Variants in METAP1D observed in about 807,000 individuals in gnomAD.
The protein encoded by METAP1D is methionyl aminopeptidase type 1D, mitochondrial, also known as methionine aminopeptidase 1D, mitochondrial.
METAP1D carries 31 observed loss-of-function variants against 40.5 expected under a neutral mutation model. That is an observed-to-expected ratio of 0.77 (90% CI 0.58 to 1.03). The LOEUF (loss-of-function observed/expected upper bound fraction) is 1.03, where lower values mean the gene tolerates loss of function less well. Ranked by LOEUF, METAP1D falls within the 50% of genes least tolerant of loss-of-function variation. The pLI, the probability that METAP1D is intolerant of heterozygous loss-of-function variation, is 0.00. For missense variants in METAP1D, 411 were observed against 420.7 expected (o/e 0.98, Z 0.20); for synonymous variants, 151 against 146.4 (o/e 1.03, Z -0.22).
At chr2:172,058,895 C>T (rs1461983372) in intron 1 of METAP1D, among the ~76,000 whole-genome samples, 1 of 152,056 alleles carries the variant, frequency 6.6e-6, no homozygotes, top group Admixed American at 6.5e-5. Flanking sequence ...ATTAGAGATC[C>T]AGAGTTTTGA....
chr2:172,079,981 TCAACCCTTGCAAGATGA>T, intron 8 of METAP1D, 130 bp from the exon 9 acceptor site: 1 of 669,368 alleles, frequency 1.5e-6, no homozygotes, highest in Admixed American at 2.9e-5. Context: ...ACATCAATTA[TCAACCCTTGCAAGATGA>T]CAACATGAGC....
chr2:172,022,776 A>C (rs1689034669), intron 1 of METAP1D, among the ~76,000 whole-genome samples: 1 of 152,192 alleles, frequency 6.6e-6, no homozygotes, highest in African/African-American at 2.4e-5. Flanking sequence ...AATGCAATTA[A>C]ACTTAATTGC....
intron 6 of METAP1D, among the ~76,000 whole-genome samples, chr2:172,074,291 CT>C (rs1690494303): frequency 6.6e-6 from 1 of 152,014 alleles, no homozygotes; most frequent in African/African-American, 2.4e-5. Context: ...TAATTCATAA[CT>C]ATATGTTTTG....
intron 1 of METAP1D, among the ~76,000 whole-genome samples, chr2:172,014,731 C>A (rs1385859573): frequency 6.6e-6 from 1 of 152,174 alleles, no homozygotes; most frequent in Non-Finnish European, 1.5e-5. Flanking sequence ...CGGCTCACTG[C>A]AACCTCCATC....
intron 1 of METAP1D, 23 bp downstream of exon 1, chr2:172,000,032 C>A (rs996041626): frequency 2.3e-6 from 3 of 1,303,702 alleles, no homozygotes; most frequent in Non-Finnish European, 3.0e-6. Context: ...AGGAGAGCCC[C>A]GTGAGGGTTC....
intron 1 of METAP1D, among the ~76,000 whole-genome samples, chr2:172,039,899 A>T (rs1158220868): frequency 6.6e-6 from 1 of 151,532 alleles, no homozygotes; most frequent in Non-Finnish European, 1.5e-5. Context: ...CTGGTCTCGA[A>T]CTCCTGACCT....
chr2:172,061,233 A>T (rs187539519), intron 1 of METAP1D, among the ~76,000 whole-genome samples: 8 of 152,302 alleles, frequency 5.3e-5, no homozygotes, highest in Admixed American at 2.0e-4. Context: ...TGCTTAGCAG[A>T]TGTTTCTATA....
intron 1 of METAP1D, among the ~76,000 whole-genome samples, chr2:172,044,385 C>T (rs1412484824): frequency 1.1e-5 from 1 of 90,170 alleles, no homozygotes; most frequent in Non-Finnish European, 2.5e-5. Context: ...ATGGTGAAAC[C>T]CTGTCTCTCT....
At chr2:172,020,839 G>C (rs560023118) in intron 1 of METAP1D, among the ~76,000 whole-genome samples, 52 of 152,206 alleles carry the variant, frequency 3.4e-4, no homozygotes, top group African/African-American at 1.2e-3. Flanking sequence ...TAAAAGGCAG[G>C]ATTTAACCTA....
chr2:172,000,364 T>A (rs995600525), intron 1 of METAP1D, among the ~76,000 whole-genome samples: 1 of 152,228 alleles, frequency 6.6e-6, no homozygotes, highest in Admixed American at 6.5e-5. Flanking sequence ...ATGGTAATTC[T>A]GAAATGCATC....
intron 1 of METAP1D, among the ~76,000 whole-genome samples, chr2:172,057,801 A>G (rs1019012432): frequency 6.6e-6 from 1 of 152,216 alleles, no homozygotes; most frequent in African/African-American, 2.4e-5. Flanking sequence ...TTCACAATTC[A>G]TACAGTTTCT....
At position 172,070,890 on chromosome 2, in the gene METAP1D, T is replaced by C; in HGVS notation, c.541-17T>C. The C allele has an allele frequency of 6.4e-7, 1 of 1,573,044 alleles. No individual in the cohort carries two copies. The highest frequency in any genetic ancestry group is 8.6e-7 in the Non-Finnish European group (1 of 1,160,646). On this transcript the variant is annotated splice_polypyrimidine_tract_variant and intron_variant, in intron 5 of 9. Transcript: ENST00000315796. ...TTTTAAACAAGGACATATTTTTAAA[T>C]TTCTGCTTATGTTTAGGTCTATTAC...
chr2:172,066,208 AT>A, intron 4 of METAP1D, 55 bp from the exon 5 acceptor site: 1 of 1,438,412 alleles, frequency 7.0e-7, no homozygotes, highest in South Asian at 1.2e-5. Flanking sequence ...ATTTATTTTT[AT>A]TTTCCTTTTA....
At chr2:172,030,551 A>G (rs2105412077) in intron 1 of METAP1D, among the ~76,000 whole-genome samples, 1 of 152,314 alleles carries the variant, frequency 6.6e-6, no homozygotes, top group African/African-American at 2.4e-5. Context: ...CATGAACCCT[A>G]TCTTCAGCCT....
chr2:172,061,718 A>G, intron 2 of METAP1D, 63 bp downstream of exon 2: 3 of 1,365,992 alleles, frequency 2.2e-6, no homozygotes, highest in Non-Finnish European at 2.9e-6. Context: ...TGCAGAAGTG[A>G]TCAAATATTT....
intron 1 of METAP1D, among the ~76,000 whole-genome samples, chr2:172,005,944 T>G (rs1024136889): frequency 6.6e-6 from 1 of 152,132 alleles, no homozygotes; most frequent in Non-Finnish European, 1.5e-5. Flanking sequence ...ACAGGGCATA[T>G]AGACCCTCAG....
rs76223175 is a variant in METAP1D, at chr2:172,005,191, G to A, written c.40+5182G>A. Among the ~76,000 whole-genome samples, 290 of 151,656 alleles carry A rather than the reference G, an allele frequency of 1.9e-3. 2 individuals carry two copies. The East Asian group carries it at 0.021, about 11-fold the overall frequency. On this transcript the variant is annotated intron_variant, in intron 1 of 9. Transcript: ENST00000315796. ...TATGTTTTATTTCAATAGTTTTTGG[G>A]GTACAGGTAGTTTTTCGTTACATGG...
chr2:172,013,291 A>C (rs1688773221), intron 1 of METAP1D, among the ~76,000 whole-genome samples: 1 of 152,154 alleles, frequency 6.6e-6, no homozygotes, highest in Non-Finnish European at 1.5e-5. Context: ...AGGCCTGGGA[A>C]ACCCAGCCTG....
chr2:172,041,974 T>A (rs1317405487), intron 1 of METAP1D, among the ~76,000 whole-genome samples: 1 of 121,998 alleles, frequency 8.2e-6, no homozygotes, highest in African/African-American at 2.7e-5. Flanking sequence ...CTAATTTTTG[T>A]ATTTTTAGTA....
Sources: gnomAD v4.1 joint callset for allele counts (sites outside exome capture counted in the v4.1 genomes callset) on GRCh38, gnomAD v4.1.1 for gene constraint, MANE v1.5 for transcripts, NCBI Gene and HGNC (gene_info 2026-07-23, HGNC 2026-07-21) for gene names.